GPC3: variants seen among roughly 807,000 people sequenced by gnomAD.
The protein encoded by GPC3 is glypican-3.
A neutral mutation model predicts 34.4 loss-of-function variants in GPC3; 3 were observed. The observed-to-expected ratio is 0.09, with a 90% CI of 0.04 to 0.23. GPC3 has a LOEUF of 0.23. Among genes scored for constraint, GPC3 ranks in the 10% least tolerant of loss-of-function variants. The pLI is 1.00. For missense variants in GPC3, 351 were observed against 445.6 expected, an observed-to-expected ratio of 0.79 and a Z score of 1.91; for synonymous variants, 177 against 174.0, an observed-to-expected ratio of 1.02 and a Z score of -0.13.
At chrX:133,599,429 T>A (rs2069955537) in intron 6 of GPC3, among the ~76,000 whole-genome samples, 1 of 112,146 alleles carries the variant, frequency 8.9e-6, no homozygotes, top group Non-Finnish European at 1.9e-5. Flanking sequence ...GTGTCTTGAT[T>A]CATACTGTGG....
At chrX:133,649,268 ATGTGTGTG>A (rs201681195) in intron 6 of GPC3, among the ~76,000 whole-genome samples, 1 of 104,100 alleles carries the variant, frequency 9.6e-6, no homozygotes, top group Non-Finnish European at 2.0e-5. Context: ...ATATATATAT[ATGTGTGTG>A]TGTGTGTGTG....
intron 3 of GPC3, among the ~76,000 whole-genome samples, chrX:133,704,636 GTTTC>G: frequency 9.1e-6 from 1 of 110,042 alleles, no homozygotes; most frequent in Non-Finnish European, 1.9e-5. Context: ...AGGTAAAGAT[GTTTC>G]TTTCTTCTTG....
At chrX:133,968,293 A>G (rs923263061) in intron 1 of GPC3, among the ~76,000 whole-genome samples, 2 of 112,085 alleles carry the variant, frequency 1.8e-5, no homozygotes, top group African/African-American at 6.5e-5. Flanking sequence ...TTCTCCTACC[A>G]AGAGCAGGGA....
Position 133,536,262 on chromosome X carries a change from C to T in GPC3, c.1605G>A (p.Ala535=), listed in dbSNP as rs767097459. ...ELAYDLDVDD[A]PGNSQQATPK... is the part of the protein sequence containing the mutation. ...GAGTTGCCTGCTGACTGTTTCCAGGCGCATCATCCACATCCAGATCATAGG... is the reference window on the plus strand; with the variant it reads ...GAGTTGCCTGCTGACTGTTTCCAGGTGCATCATCCACATCCAGATCATAGG... The change falls in exon 8 of 8, where the codon GCG becomes GCA. Residue 535 remains alanine, a synonymous_variant. Coordinates refer to ENST00000370818, the MANE Select transcript of GPC3 (RefSeq NM_004484.4). 43 of 1,203,160 alleles carry T rather than the reference C, an allele frequency of 3.6e-5. No individual in the cohort carries two copies. The highest frequency in any genetic ancestry group is 4.4e-5 in the Non-Finnish European group (39 of 890,196).
intron 2 of GPC3, among the ~76,000 whole-genome samples, chrX:133,760,975 T>G (rs1266373439): frequency 1.8e-5 from 2 of 111,514 alleles, no homozygotes; most frequent in African/African-American, 6.5e-5. Flanking sequence ...TTTAAATTTT[T>G]TTTTTTAAAA....
intron 3 of GPC3, among the ~76,000 whole-genome samples, chrX:133,738,554 C>G (rs2071532323): frequency 9.0e-6 from 1 of 111,649 alleles, no homozygotes; most frequent in Non-Finnish European, 1.9e-5. Flanking sequence ...TATACCCAAC[C>G]TAAATTTAAT....
At chrX:133,869,911 C>T (rs1452883113) in intron 2 of GPC3, among the ~76,000 whole-genome samples, 2 of 112,232 alleles carry the variant, frequency 1.8e-5, no homozygotes, top group East Asian at 2.8e-4. Flanking sequence ...GCCGAGATCA[C>T]GCCTCTGCAC....
chrX:133,930,597 T>A (rs2076294008), intron 2 of GPC3, among the ~76,000 whole-genome samples: 1 of 112,683 alleles, frequency 8.9e-6, no homozygotes, highest in African/African-American at 3.2e-5. Context: ...CTGATCATTT[T>A]CAGCTTCAAA....
At chrX:133,563,862 G>A (rs1210114588) in intron 7 of GPC3, among the ~76,000 whole-genome samples, 2 of 111,856 alleles carry the variant, frequency 1.8e-5, no homozygotes, top group Non-Finnish European at 1.9e-5. Flanking sequence ...AGAAGGGGTG[G>A]GGCCCTAGCC....
intron 5 of GPC3, among the ~76,000 whole-genome samples, chrX:133,667,672 G>A (rs1285051518): frequency 9.1e-6 from 1 of 109,827 alleles, no homozygotes; most frequent in Admixed American, 9.7e-5. Flanking sequence ...GCAACATGGT[G>A]AAGCCTCATC....
chrX:133,741,314 T>C (rs996894842), intron 3 of GPC3, among the ~76,000 whole-genome samples: 1 of 109,611 alleles, frequency 9.1e-6, no homozygotes, highest in Admixed American at 9.8e-5. Context: ...AAACTTTAAT[T>C]AGGATTAATT....
chrX:133,772,117 C>CATAGA (rs752024180), intron 2 of GPC3, among the ~76,000 whole-genome samples: 2 of 111,403 alleles, frequency 1.8e-5, no homozygotes, highest in Admixed American at 9.5e-5. Flanking sequence ...AGGTAGAAGT[C>CATAGA]AGTCGATGTA....
chrX:133,553,582 A>G (rs1396869331), intron 7 of GPC3, among the ~76,000 whole-genome samples: 2 of 111,984 alleles, frequency 1.8e-5, no homozygotes, highest in Non-Finnish European at 3.8e-5. Context: ...ATATTGCAAT[A>G]TAGGAGTGTT....
Position 133,930,869 on chromosome X carries a change from C to T in GPC3, c.337+22181G>A, listed in dbSNP as rs192450574. ...GCCAGGATGGTCTCAATCTCCTGAC[C>T]TCATGATCCACCCGCCTCAGCCTCC... On this transcript the variant is annotated intron_variant, in intron 2 of 7. Transcript: ENST00000370818. Among the ~76,000 whole-genome samples the T allele has an allele frequency of 2.9e-4, 33 of 112,223 alleles. No individual in the cohort carries two copies. In the East Asian group the frequency reaches 9.0e-3, roughly 31 times the overall value.
At chrX:133,780,966 T>C (rs983496624) in intron 2 of GPC3, among the ~76,000 whole-genome samples, 1 of 111,983 alleles carries the variant, frequency 8.9e-6, no homozygotes, top group Non-Finnish European at 1.9e-5. Context: ...TTTATTTTTC[T>C]CATATCCCAA....
At chrX:133,979,841 T>C (rs1308796247) in intron 1 of GPC3, among the ~76,000 whole-genome samples, 1 of 111,919 alleles carries the variant, frequency 8.9e-6, no homozygotes, top group Non-Finnish European at 1.9e-5. Context: ...GAGATTTTTC[T>C]GCCCACACTG....
intron 2 of GPC3, among the ~76,000 whole-genome samples, chrX:133,791,782 C>T (rs2072162220): frequency 9.3e-6 from 1 of 107,846 alleles, no homozygotes; most frequent in Non-Finnish European, 1.9e-5. Flanking sequence ...CCCTGCTTTC[C>T]TTTTTCCTTT....
intron 7 of GPC3, among the ~76,000 whole-genome samples, chrX:133,580,420 T>C (rs972580229): frequency 1.8e-5 from 2 of 112,017 alleles, no homozygotes; most frequent in Non-Finnish European, 3.8e-5. Context: ...ATTATTGTTG[T>C]TCTCCCAAAA....
intron 2 of GPC3, among the ~76,000 whole-genome samples, chrX:133,756,056 C>T (rs999219611): frequency 1.8e-5 from 2 of 112,369 alleles, no homozygotes; most frequent in African/African-American, 6.5e-5. Context: ...CAGAAGTATT[C>T]ACAAGCTATA....
Sources: allele counts gnomAD v4.1 joint callset (sites outside exome capture counted in the v4.1 genomes callset), GRCh38; gene constraint gnomAD v4.1.1; transcripts MANE v1.5; gene names NCBI Gene and HGNC (gene_info 2026-07-23, HGNC 2026-07-21).